KCTD8: variants seen among roughly 807,000 people sequenced by gnomAD.
KCTD8 encodes BTB/POZ domain-containing protein KCTD8.
KCTD8 carries 27 observed loss-of-function variants against 31.5 expected under a neutral mutation model. The observed-to-expected ratio is 0.86, with a 90% CI of 0.63 to 1.18. The LOEUF is 1.18. KCTD8 is among the 50% of genes most tolerant of loss of function. The pLI is 0.00. For missense variants in KCTD8, 658 were observed against 647.7 expected (o/e 1.02, Z -0.17); for synonymous variants, 290 against 280.0 (o/e 1.04, Z -0.36).
intron 1 of KCTD8, among the ~76,000 whole-genome samples, chr4:44,320,167 T>G (rs947089508): frequency 3.4e-5 from 2 of 58,598 alleles, no homozygotes; most frequent in Admixed American, 3.7e-4. Flanking sequence ...CAAGCCTCCA[T>G]CTCAAAAAAA....
At chr4:44,290,069 C>G (rs898187856) in intron 1 of KCTD8, among the ~76,000 whole-genome samples, 1 of 151,682 alleles carries the variant, frequency 6.6e-6, no homozygotes. Context: ...TTCAAAAGAC[C>G]CACCTCACAT....
intron 1 of KCTD8, among the ~76,000 whole-genome samples, chr4:44,177,825 A>G (rs1441055978): frequency 6.6e-6 from 1 of 152,138 alleles, no homozygotes; most frequent in African/African-American, 2.4e-5. Flanking sequence ...ACCATAACTA[A>G]TCTTAGTGTA....
chr4:44,382,038 T>C (rs1478119901), intron 1 of KCTD8, among the ~76,000 whole-genome samples: 1 of 152,032 alleles, frequency 6.6e-6, no homozygotes, highest in East Asian at 1.9e-4. Flanking sequence ...AAATTGCAAA[T>C]ATATAGGTAC....
intron 1 of KCTD8, among the ~76,000 whole-genome samples, chr4:44,327,706 T>G (rs904771366): frequency 6.6e-6 from 1 of 151,762 alleles, no homozygotes; most frequent in African/African-American, 2.4e-5. Flanking sequence ...TGTATGCATA[T>G]CCCAGATTTT....
chr4:44,431,624 T>G (rs1721508698), intron 1 of KCTD8, among the ~76,000 whole-genome samples: 1 of 151,570 alleles, frequency 6.6e-6, no homozygotes, highest in African/African-American at 2.4e-5. Flanking sequence ...TTCCAAAGAA[T>G]ATTCTAGTCT....
intron 1 of KCTD8, among the ~76,000 whole-genome samples, chr4:44,301,402 T>A (rs1053622477): frequency 2.6e-5 from 4 of 152,272 alleles, no homozygotes; most frequent in South Asian, 4.1e-4. Flanking sequence ...TTTTAATGAT[T>A]GCCATTCTAA....
chr4:44,267,264 G>T (rs1054140504), intron 1 of KCTD8, among the ~76,000 whole-genome samples: 2 of 152,168 alleles, frequency 1.3e-5, no homozygotes, highest in Non-Finnish European at 2.9e-5. Context: ...TGAACTACAT[G>T]GAAACTGAAC....
chr4:44,291,115 A>G (rs1375367191), intron 1 of KCTD8, among the ~76,000 whole-genome samples: 2 of 152,122 alleles, frequency 1.3e-5, no homozygotes, highest in African/African-American at 4.8e-5. Flanking sequence ...ACAATCAGAA[A>G]TGACAGAGAT....
intron 1 of KCTD8, among the ~76,000 whole-genome samples, chr4:44,229,564 A>T (rs1291988302): frequency 1.3e-5 from 2 of 152,188 alleles, no homozygotes. Context: ...TGGGAAAGGG[A>T]TGCAAAATGC....
intron 1 of KCTD8, among the ~76,000 whole-genome samples, chr4:44,214,318 T>G (rs1714582431): frequency 6.6e-6 from 1 of 152,214 alleles, no homozygotes; most frequent in Admixed American, 6.5e-5. Context: ...CCCCTACACA[T>G]GTAAACTCTT....
intron 1 of KCTD8, among the ~76,000 whole-genome samples, chr4:44,188,017 A>T (rs181237723): frequency 6.6e-6 from 1 of 152,134 alleles, no homozygotes; most frequent in East Asian, 1.9e-4. Context: ...ACACACAAAA[A>T]AAAAACAGTC....
At chr4:44,247,686 G>A (rs1408786430) in intron 1 of KCTD8, among the ~76,000 whole-genome samples, 7 of 151,752 alleles carry the variant, frequency 4.6e-5, no homozygotes. Context: ...ACTATTTTAG[G>A]TATCTCATAT....
intron 1 of KCTD8, among the ~76,000 whole-genome samples, chr4:44,400,722 CTG>C (rs1365985340): frequency 9.9e-6 from 1 of 101,498 alleles, no homozygotes; most frequent in African/African-American, 3.7e-5. Flanking sequence ...GAATGAGACT[CTG>C]TCTCAAAAAA....
intron 1 of KCTD8, among the ~76,000 whole-genome samples, chr4:44,236,420 G>A (rs557956151): frequency 1.3e-5 from 2 of 152,176 alleles, no homozygotes; most frequent in South Asian, 4.1e-4. Flanking sequence ...AGTCAGATGA[G>A]GAGTTCATTT....
chr4:44,395,085 C>T (rs1009449616), intron 1 of KCTD8, among the ~76,000 whole-genome samples: 1 of 152,078 alleles, frequency 6.6e-6, no homozygotes, highest in Non-Finnish European at 1.5e-5. Context: ...TTCCTGGGCA[C>T]ATTCCCAGAA....
rs1178729088 is a variant in KCTD8 at position 44,343,836 on chromosome 4, GT to G, written c.961+103726del. Among the ~76,000 whole-genome samples, 16 of 151,698 alleles carry G rather than the reference GT, an allele frequency of 1.1e-4. No homozygotes were observed. In the Middle Eastern group the frequency reaches 0.014, roughly 129 times the overall value. On this transcript the variant is annotated intron_variant, in intron 1 of 1. Coordinates refer to ENST00000360029, the MANE Select transcript of KCTD8 (RefSeq NM_198353.3). ...GAAAATTAACTGATCACATTACAGG[GT>G]TTTTTTTGTTGTTGTTGTTTGTTTG...
At chr4:44,429,652 A>G (rs1721427145) in intron 1 of KCTD8, among the ~76,000 whole-genome samples, 1 of 151,960 alleles carries the variant, frequency 6.6e-6, no homozygotes, top group East Asian at 1.9e-4. Flanking sequence ...CCATGTCATT[A>G]TTGTTTTTAA....
intron 1 of KCTD8, among the ~76,000 whole-genome samples, chr4:44,204,050 A>C (rs965248065): frequency 1.3e-5 from 2 of 152,100 alleles, no homozygotes; most frequent in Non-Finnish European, 2.9e-5. Flanking sequence ...AAGGCAGCTC[A>C]TCATTCTGAA....
chr4:44,429,351 G>T (rs954502086), intron 1 of KCTD8, among the ~76,000 whole-genome samples: 4 of 151,796 alleles, frequency 2.6e-5, no homozygotes, highest in African/African-American at 9.7e-5. Context: ...GAAGCAAAAA[G>T]GAGGTGTGTT....
Sources: allele counts gnomAD v4.1 joint callset (sites outside exome capture counted in the v4.1 genomes callset), GRCh38; gene constraint gnomAD v4.1.1; transcripts MANE v1.5; gene names NCBI Gene and HGNC (gene_info 2026-07-23, HGNC 2026-07-21).